Variants in GPC3 observed in about 807,000 individuals in gnomAD.
GPC3 encodes the protein glypican 3, also known as glypican-3.
In GPC3, 3 loss-of-function variants were observed where a neutral mutation model predicts 34.4. That is an observed-to-expected ratio of 0.09 (90% CI 0.04 to 0.23). The LOEUF (loss-of-function observed/expected upper bound fraction) is 0.23, where lower values mean the gene tolerates loss of function less well. GPC3 is among the 10% of genes least tolerant of loss of function. GPC3 has a pLI of 1.00. For synonymous variants in GPC3, 177 were observed against 174.0 expected, an observed-to-expected ratio of 1.02 and a Z score of -0.13; for missense variants, 351 against 445.6, an observed-to-expected ratio of 0.79 and a Z score of 1.91.
chrX:133,947,472 C>A (rs779421047), intron 2 of GPC3, among the ~76,000 whole-genome samples: 6 of 109,421 alleles, frequency 5.5e-5, no homozygotes, highest in African/African-American at 2.0e-4. Context: ...ACTTCTAAAT[C>A]AATAAAGGGC....
At chrX:133,709,288 G>C (rs1031870692) in intron 3 of GPC3, among the ~76,000 whole-genome samples, 1 of 111,234 alleles carries the variant, frequency 9.0e-6, no homozygotes, top group African/African-American at 3.3e-5. Flanking sequence ...ACTTCCTTTG[G>C]GAGTTATGCA....
chrX:133,591,906 T>A (rs2069852445), intron 7 of GPC3, among the ~76,000 whole-genome samples: 1 of 111,822 alleles, frequency 8.9e-6, no homozygotes, highest in Admixed American at 9.5e-5. Flanking sequence ...AACATTTTGG[T>A]AAGTTGTCTG....
At chrX:133,538,027 G>A (rs2069310123) in intron 7 of GPC3, among the ~76,000 whole-genome samples, 1 of 111,620 alleles carries the variant, frequency 9.0e-6, no homozygotes, top group Non-Finnish European at 1.9e-5. Flanking sequence ...TAAAAGCAGA[G>A]AGTTTTTCTT....
At chrX:133,857,557 A>G (rs939364966) in intron 2 of GPC3, among the ~76,000 whole-genome samples, 2 of 111,703 alleles carry the variant, frequency 1.8e-5, no homozygotes, top group African/African-American at 3.3e-5. Context: ...AACACATAGT[A>G]TGATTTGGGG....
At chrX:133,549,349 C>T (rs1253813741) in intron 7 of GPC3, among the ~76,000 whole-genome samples, 1 of 111,835 alleles carries the variant, frequency 8.9e-6, no homozygotes, top group African/African-American at 3.3e-5. Context: ...TTTCCTGAAA[C>T]ATATGTTGGA....
intron 1 of GPC3, among the ~76,000 whole-genome samples, chrX:133,953,771 T>A (rs1399291803): frequency 8.9e-6 from 1 of 112,023 alleles, no homozygotes; most frequent in African/African-American, 3.2e-5. Context: ...CAACAAATAT[T>A]TATTAGGTGC....
chrX:133,980,915 G>A (rs1164643084), intron 1 of GPC3, among the ~76,000 whole-genome samples: 2 of 112,333 alleles, frequency 1.8e-5, no homozygotes, highest in Admixed American at 1.9e-4. Flanking sequence ...AAAGATGGAA[G>A]TAGCAGAATG....
intron 6 of GPC3, among the ~76,000 whole-genome samples, chrX:133,645,904 G>A (rs1287244471): frequency 9.0e-6 from 1 of 110,693 alleles, no homozygotes; most frequent in Non-Finnish European, 1.9e-5. Flanking sequence ...CTCAGAGAAG[G>A]TGGCATGGCA....
intron 2 of GPC3, among the ~76,000 whole-genome samples, chrX:133,755,737 T>TTGTG (rs2124481999): frequency 8.9e-6 from 1 of 112,018 alleles, no homozygotes; most frequent in South Asian, 3.7e-4. Context: ...GTTTGTTTGT[T>TTGTG]TGTTTGTTTA....
At chrX:133,847,916 A>G (rs780961333) in intron 2 of GPC3, among the ~76,000 whole-genome samples, 11 of 112,511 alleles carry the variant, frequency 9.8e-5, no homozygotes, top group Admixed American at 8.5e-4. Flanking sequence ...AAGAGACAAA[A>G]GAACAGCTAT....
intron 2 of GPC3, among the ~76,000 whole-genome samples, chrX:133,833,988 T>C (rs963981632): frequency 9.0e-6 from 1 of 111,678 alleles, no homozygotes; most frequent in African/African-American, 3.3e-5. Context: ...CAAAAGAAAT[T>C]CATGTATACT....
intron 2 of GPC3, among the ~76,000 whole-genome samples, chrX:133,887,897 T>C (rs1458777098): frequency 9.0e-6 from 1 of 110,650 alleles, no homozygotes; most frequent in Non-Finnish European, 1.9e-5. Flanking sequence ...CAGACCAATG[T>C]CATATACTTT....
At chrX:133,878,886 A>G (rs938897844) in intron 2 of GPC3, among the ~76,000 whole-genome samples, 2 of 112,017 alleles carry the variant, frequency 1.8e-5, no homozygotes, top group Non-Finnish European at 1.9e-5. Flanking sequence ...ACATGTATCT[A>G]TCTCTCTCAT....
chrX:133,741,846 C>T lies in GPC3; in HGVS notation c.1032+11636G>A, dbSNP rs188137094. Among the ~76,000 whole-genome samples, 659 of 112,770 alleles carry T rather than the reference C, an allele frequency of 5.8e-3. 3 individuals carry two copies. The highest frequency in any genetic ancestry group is 0.02 in the African/African-American group (614 of 31,161). On this transcript the variant is annotated intron_variant, in intron 3 of 7. Coordinates refer to ENST00000370818, the MANE Select transcript of GPC3 (RefSeq NM_004484.4). ...GAACAGACACTAAGAAGTTGCTTTTCGCAGGCCACTTGCCTGTGGCAGCAC... is the reference window on the plus strand; with the variant it reads ...GAACAGACACTAAGAAGTTGCTTTTTGCAGGCCACTTGCCTGTGGCAGCAC...
chrX:133,747,357 A>C (rs1185398718), intron 3 of GPC3, among the ~76,000 whole-genome samples: 1 of 111,669 alleles, frequency 9.0e-6, no homozygotes, highest in African/African-American at 3.3e-5. Flanking sequence ...CTTCTTTTCC[A>C]TGAAACTACA....
intron 2 of GPC3, among the ~76,000 whole-genome samples, chrX:133,816,088 T>C (rs1422995888): frequency 9.0e-5 from 10 of 111,035 alleles, no homozygotes; most frequent in Non-Finnish European, 1.9e-4. Context: ...TCTCCTTCTG[T>C]CACCCAGGCT....
chrX:133,726,333 A>T (rs1413271764), intron 3 of GPC3, among the ~76,000 whole-genome samples: 1 of 111,687 alleles, frequency 9.0e-6, no homozygotes, highest in Non-Finnish European at 1.9e-5. Context: ...TCAAATATCA[A>T]CTGTAAGACA....
rs765751788 is a variant in GPC3 at position 133,827,586 on chromosome X, C to A, written c.338-73410G>T. Among the ~76,000 whole-genome samples the A allele has an allele frequency of 2.2e-4, 25 of 111,232 alleles. 1 individual carries two copies. The highest frequency in any genetic ancestry group is 7.9e-4 in the African/African-American group (24 of 30,568). ...TTACTTGAGGTCAGGAGCTCGAGAA[C>A]AGCCTGGCCAACCTGGTGAAACCTT... On this transcript the variant is annotated intron_variant, in intron 2 of 7. Transcript: ENST00000370818.
At chrX:133,942,461 T>C (rs2076349215) in intron 2 of GPC3, among the ~76,000 whole-genome samples, 1 of 111,872 alleles carries the variant, frequency 8.9e-6, no homozygotes, top group Admixed American at 9.5e-5. Context: ...GATACTATAT[T>C]TATATTGTGT....
Sources: gnomAD v4.1 joint callset for allele counts (sites outside exome capture counted in the v4.1 genomes callset) on GRCh38, gnomAD v4.1.1 for gene constraint, MANE v1.5 for transcripts, NCBI Gene and HGNC (gene_info 2026-07-23, HGNC 2026-07-21) for gene names.